The following SLC35F4 variants were observed in gnomAD, a reference collection of about 807,000 sequenced individuals.
The protein encoded by SLC35F4 is solute carrier family 35 member F4, also known as chromosome 14 open reading frame 36.
A neutral mutation model predicts 44.2 loss-of-function variants in SLC35F4; 24 were observed. That is an observed-to-expected ratio of 0.54 (90% CI 0.39 to 0.76). SLC35F4 has a LOEUF of 0.76. Ranked by LOEUF, SLC35F4 falls within the 30% of genes least tolerant of loss-of-function variation. The pLI, the probability that SLC35F4 is intolerant of heterozygous loss-of-function variation, is 0.00. For missense variants in SLC35F4, 562 were observed against 586.1 expected, an observed-to-expected ratio of 0.96 and a Z score of 0.42; for synonymous variants, 238 against 223.6, an observed-to-expected ratio of 1.06 and a Z score of -0.57.
chr14:57,860,959 G>C, intron 1 of SLC35F4, among the ~76,000 whole-genome samples: 1 of 152,030 alleles, frequency 6.6e-6, no homozygotes, highest in East Asian at 1.9e-4. Context: ...AATACCCATT[G>C]GATAATCTGT....
Position 57,865,869 on chromosome 14 carries a change from C to A in SLC35F4, c.-44G>T. On this transcript the variant is annotated 5_prime_UTR_variant, in exon 1 of 8. Transcript: ENST00000556826. The stretch of plus-strand genomic sequence containing the variant: ...GCCCCGAGTGCGGCGGGGCGGAGAG[C>A]GCAGCGCGGGGCCCGGGAGCTGGTG... 1 of 1,405,032 alleles carries A rather than the reference C, an allele frequency of 7.1e-7. No individual in the cohort carries two copies. The highest frequency in any genetic ancestry group is 9.5e-7 in the Non-Finnish European group (1 of 1,054,658). The allele number at this position is 1,405,032 out of a possible 1,614,324, so 87.0% of individuals were successfully genotyped here. A position where few individuals can be genotyped will look rare whatever the true frequency, so the allele number is the denominator to read the frequency against.
chr14:57,729,132 G>A (rs1458767634), intron 1 of SLC35F4, among the ~76,000 whole-genome samples: 1 of 152,112 alleles, frequency 6.6e-6, no homozygotes, highest in Non-Finnish European at 1.5e-5. Context: ...TCTTGAGGTA[G>A]TCTTCTATGG....
rs1161210677 is a variant in SLC35F4, at chr14:57,728,449, T to C, written c.104-134325A>G. Among the ~76,000 whole-genome samples, 3 of 127,058 alleles carry C rather than the reference T, an allele frequency of 2.4e-5. No homozygotes were observed. The East Asian group carries it at 6.7e-4, about 28-fold the overall frequency. 83.4% of individuals were successfully genotyped at this position (127,058 alleles called of 152,430 possible). On this transcript the variant is annotated intron_variant, in intron 1 of 7. Coordinates refer to ENST00000556826, the MANE Select transcript of SLC35F4 (RefSeq NM_001306087.2). ...TTCTTTTTTCTTTCTTTCTTTTTTT[T>C]TTTTTTTTTTTTTTTTTGAGATGGA...
At chr14:57,683,307 A>G (rs1741962208) in intron 1 of SLC35F4, among the ~76,000 whole-genome samples, 1 of 152,236 alleles carries the variant, frequency 6.6e-6, no homozygotes, top group Non-Finnish European at 1.5e-5. Context: ...AACAAAAATA[A>G]AATTATTTCA....
chr14:57,645,414 T>A (rs1253501507), intron 1 of SLC35F4, among the ~76,000 whole-genome samples: 1 of 152,150 alleles, frequency 6.6e-6, no homozygotes, highest in African/African-American at 2.4e-5. Context: ...ATGATTTGGC[T>A]CTCTGTTTGT....
At chr14:57,737,133 T>A (rs2076486062) in intron 1 of SLC35F4, among the ~76,000 whole-genome samples, 1 of 151,918 alleles carries the variant, frequency 6.6e-6, no homozygotes, top group Non-Finnish European at 1.5e-5. Context: ...TGCATGTGTG[T>A]GTGTGTTAGG....
At chr14:57,928,304 C>T (rs1376055570) in intron 1 of SLC35F4, among the ~76,000 whole-genome samples, 1 of 152,158 alleles carries the variant, frequency 6.6e-6, no homozygotes, top group Non-Finnish European at 1.5e-5. Context: ...TCTATCCCTG[C>T]CAGGTACTAA....
chr14:57,633,695 T>C (rs949723272), intron 1 of SLC35F4, among the ~76,000 whole-genome samples: 1 of 152,058 alleles, frequency 6.6e-6, no homozygotes, highest in African/African-American at 2.4e-5. Context: ...GTCTCCCTCC[T>C]CTATCCCAGC....
intron 1 of SLC35F4, among the ~76,000 whole-genome samples, chr14:57,849,244 C>T (rs144152259): frequency 1.1e-3 from 174 of 152,340 alleles, no homozygotes; most frequent in African/African-American, 4.0e-3. Context: ...TCACTGCAAC[C>T]TCCGCCTCCT....
intron 1 of SLC35F4, among the ~76,000 whole-genome samples, chr14:57,962,561 G>T (rs189977919): frequency 6.6e-6 from 1 of 152,312 alleles, no homozygotes; most frequent in Non-Finnish European, 1.5e-5. Context: ...TATGTGTGGG[G>T]CTCCCCAGAG....
chr14:57,699,600 T>C (rs1329511129), intron 1 of SLC35F4, among the ~76,000 whole-genome samples: 2 of 152,206 alleles, frequency 1.3e-5, no homozygotes, highest in African/African-American at 4.8e-5. Flanking sequence ...AGGATAAATT[T>C]AATCACACCA....
intron 1 of SLC35F4, among the ~76,000 whole-genome samples, chr14:57,934,380 G>A (rs776356420): frequency 6.0e-5 from 9 of 149,104 alleles, no homozygotes; most frequent in African/African-American, 7.5e-5. Flanking sequence ...AGATGTCTTC[G>A]AGAATACCTC....
rs180861869 is a variant in SLC35F4, at chr14:57,697,052, G to A, written c.104-102928C>T. 1.6e-3 allele frequency among the ~76,000 whole-genome samples: 236 copies of A among 152,190 alleles called. 2 individuals are homozygous for A. The highest frequency in any genetic ancestry group is 0.014 in the Middle Eastern group (4 of 294). ...GTATACCTATGTAACAAACCTGCAC[G>A]TTCTGCTCATGTATCCCAGAACTTT... On this transcript the variant is annotated intron_variant, in intron 1 of 7. Coordinates refer to ENST00000556826, the MANE Select transcript of SLC35F4 (RefSeq NM_001306087.2).
intron 1 of SLC35F4, among the ~76,000 whole-genome samples, chr14:57,891,929 C>A (rs1030237568): frequency 2.0e-5 from 3 of 152,002 alleles, no homozygotes; most frequent in African/African-American, 7.3e-5. Flanking sequence ...CTTTCTGGGT[C>A]AGTAGTTCTC....
At chr14:57,907,058 C>A (rs192370327) in intron 1 of SLC35F4, among the ~76,000 whole-genome samples, 1 of 152,048 alleles carries the variant, frequency 6.6e-6, no homozygotes, top group Admixed American at 6.6e-5. Context: ...GCATTTGTGA[C>A]CCTTTATGGA....
intron 1 of SLC35F4, among the ~76,000 whole-genome samples, chr14:57,791,336 C>T (rs1047136791): frequency 6.6e-6 from 1 of 151,526 alleles, no homozygotes; most frequent in Non-Finnish European, 1.5e-5. Flanking sequence ...GATATGAACA[C>T]TTTTCAAAAG....
At chr14:57,670,317 T>C (rs2074470689) in intron 1 of SLC35F4, among the ~76,000 whole-genome samples, 1 of 152,142 alleles carries the variant, frequency 6.6e-6, no homozygotes, top group African/African-American at 2.4e-5. Flanking sequence ...GGGTTTTTTG[T>C]GTCTCTATTT....
At chr14:57,733,962 T>A (rs1378559092) in intron 1 of SLC35F4, among the ~76,000 whole-genome samples, 1 of 152,188 alleles carries the variant, frequency 6.6e-6, no homozygotes, top group Non-Finnish European at 1.5e-5. Context: ...ATTTTTAGAA[T>A]GAAAAAACAG....
chr14:57,575,276 G>A (rs2346984), intron 4 of SLC35F4, among the ~76,000 whole-genome samples: 28,775 of 152,110 alleles, frequency 0.19, 3,370 homozygotes, highest in Admixed American at 0.3. Context: ...TCAGGAGTTC[G>A]AGACCAGCCT....
Sources: allele counts gnomAD v4.1 joint callset (sites outside exome capture counted in the v4.1 genomes callset), GRCh38; gene constraint gnomAD v4.1.1; transcripts MANE v1.5; gene names NCBI Gene and HGNC (gene_info 2026-07-23, HGNC 2026-07-21).